The following RTN4RL1 variants were observed in gnomAD, a reference collection of about 807,000 sequenced individuals.
RTN4RL1 encodes the protein reticulon 4 receptor like 1.
Under a neutral mutation model 25.6 loss-of-function variants are expected in RTN4RL1, and 7 were observed. The observed-to-expected ratio is 0.27, with a 90% CI of 0.16 to 0.51. The LOEUF is 0.51. RTN4RL1 is among the 20% of genes least tolerant of loss of function. The pLI is 0.97. For missense variants in RTN4RL1, 500 were observed against 615.6 expected, an observed-to-expected ratio of 0.81 and a Z score of 1.99; for synonymous variants, 297 against 288.2, an observed-to-expected ratio of 1.03 and a Z score of -0.31.
chr17:1,997,714 G>A (rs1165608495), intron 1 of RTN4RL1, among the ~76,000 whole-genome samples: 1 of 152,154 alleles, frequency 6.6e-6, no homozygotes, highest in African/African-American at 2.4e-5. Flanking sequence ...GGCACCCCTA[G>A]CTGCCCCTGC....
At chr17:1,949,010 G>A (rs868640806) in intron 1 of RTN4RL1, among the ~76,000 whole-genome samples, 3 of 152,004 alleles carry the variant, frequency 2.0e-5, no homozygotes, top group South Asian at 2.1e-4. Context: ...AGGCTGGAGT[G>A]CAGTGGCATG....
At chr17:1,950,455 T>G (rs894311364) in intron 1 of RTN4RL1, among the ~76,000 whole-genome samples, 1 of 151,972 alleles carries the variant, frequency 6.6e-6, no homozygotes, top group African/African-American at 2.4e-5. Flanking sequence ...CGAGAAGCCT[T>G]AGAGAGATGT....
At chr17:2,002,430 C>G (rs866849746) in intron 1 of RTN4RL1, among the ~76,000 whole-genome samples, 10 of 150,706 alleles carry the variant, frequency 6.6e-5, no homozygotes, top group African/African-American at 2.2e-4. Flanking sequence ...GTAGCTGGGA[C>G]TACAGGCGCC....
intron 1 of RTN4RL1, among the ~76,000 whole-genome samples, chr17:2,007,306 C>A (rs955054092): frequency 2.7e-5 from 4 of 149,072 alleles, no homozygotes; most frequent in African/African-American, 1.0e-4. Context: ...CAGTCGGCTG[C>A]ACTGCAGACC....
At chr17:1,939,143 G>A (rs1016253572) in intron 1 of RTN4RL1, among the ~76,000 whole-genome samples, 1 of 152,024 alleles carries the variant, frequency 6.6e-6, no homozygotes, top group Non-Finnish European at 1.5e-5. Flanking sequence ...ACGAGGTCAG[G>A]AGATCGAGAC....
intron 1 of RTN4RL1, among the ~76,000 whole-genome samples, chr17:1,991,191 G>C (rs1234736228): frequency 2.0e-5 from 3 of 152,170 alleles, no homozygotes; most frequent in Non-Finnish European, 2.9e-5. Context: ...CCAGATTAGA[G>C]TTATTTGTAT....
chr17:1,965,393 T>C (rs1363449102), intron 1 of RTN4RL1, among the ~76,000 whole-genome samples: 4 of 152,194 alleles, frequency 2.6e-5, no homozygotes, highest in African/African-American at 9.6e-5. Context: ...ATTACAGGCA[T>C]GAGCCACTGC....
At chr17:2,020,672 G>A (rs1322503515) in intron 1 of RTN4RL1, 2 of 152,232 alleles carry the variant, frequency 1.3e-5, no homozygotes, top group Non-Finnish European at 2.9e-5. Context: ...GACTGATTTT[G>A]TGGTTGATGT....
Position 1,936,537 on chromosome 17 carries a change from G to A in RTN4RL1, c.1285C>T (p.Leu429Phe). 1 of 1,553,102 alleles carries A rather than the reference G, an allele frequency of 6.4e-7. No homozygotes were observed. Among genetic ancestry groups the A allele is most frequent in the Non-Finnish European group, 8.7e-7 (1 of 1,150,488 alleles). ...GCCAGCCCCAGTGTCCAGGCCAGGA[G>A]GGAGGCCCCCAGGGAACTGGCCGAG... ...ASSASSLGAS[L>F]LAWTLGLAVT... The change falls in exon 2 of 2, where the codon CTC becomes TTC. Residue 429 changes from leucine to phenylalanine, a missense_variant. This residue lies in a region of RTN4RL1 where 268 missense variants were observed against 274.5 expected (regional missense o/e 0.98). Coordinates refer to ENST00000331238, the MANE Select transcript of RTN4RL1 (RefSeq NM_178568.4).
intron 1 of RTN4RL1, among the ~76,000 whole-genome samples, chr17:2,018,471 G>A (rs746479878): frequency 1.3e-5 from 2 of 152,212 alleles, no homozygotes; most frequent in African/African-American, 2.4e-5. Flanking sequence ...AGCCAGAGAG[G>A]CTCCTGAGGA....
rs1312630625 is a variant in RTN4RL1 at position 1,994,947 on chromosome 17, A to T, written c.13+29906T>A. ...ACCCCATCTCTAAAAAAAAAAAAAA[A>T]TCATGAAATGAGATGACAGAGGCTG... On this transcript the variant is annotated intron_variant, in intron 1 of 1. Coordinates refer to ENST00000331238, the MANE Select transcript of RTN4RL1 (RefSeq NM_178568.4). This position sits in a 1 kb window ranked among gnomAD's most constrained non-coding sequence, Gnocchi z 4.3. 6.6e-6 allele frequency among the ~76,000 whole-genome samples: 1 copy of T among 151,664 alleles called. No homozygotes were observed. The highest frequency in any genetic ancestry group is 1.5e-5 in the Non-Finnish European group (1 of 67,960).
Position 1,998,973 on chromosome 17 carries a change from C to T in RTN4RL1, c.13+25880G>A, listed in dbSNP as rs539765012. Among the ~76,000 whole-genome samples the T allele has an allele frequency of 6.2e-4, 94 of 152,284 alleles. 1 individual carries two copies. Among genetic ancestry groups the T allele is most frequent in the African/African-American group, 2.0e-3 (85 of 41,552 alleles). ...TGTGCACAACTGAAGAGCTGCTCCC[C>T]CTTCCCTGCACGATGCCATCCTCTC... On this transcript the variant is annotated intron_variant, in intron 1 of 1. Transcript: ENST00000331238. The surrounding 1 kb of genome is among the most constrained non-coding windows in gnomAD (Gnocchi z 4.9).
At chr17:1,971,281 G>A (rs1033218715) in intron 1 of RTN4RL1, among the ~76,000 whole-genome samples, 1 of 152,178 alleles carries the variant, frequency 6.6e-6, no homozygotes, top group African/African-American at 2.4e-5. Flanking sequence ...TGCGAAGAAG[G>A]ATGTGTTTGC....
intron 1 of RTN4RL1, among the ~76,000 whole-genome samples, chr17:2,014,991 C>T (rs1296947205): frequency 1.3e-5 from 2 of 152,054 alleles, no homozygotes; most frequent in Non-Finnish European, 2.9e-5. Context: ...AAGGGAATCG[C>T]TGAAGGGTTC....
At chr17:1,980,230 A>ATTTTT (rs34130716) in intron 1 of RTN4RL1, among the ~76,000 whole-genome samples, 19 of 126,392 alleles carry the variant, frequency 1.5e-4, no homozygotes, top group African/African-American at 5.0e-4. Flanking sequence ...CGCTCAGCTA[A>ATTTTT]TTTTTTTTTT....
At chr17:1,999,088 G>A (rs1032823603) in intron 1 of RTN4RL1, among the ~76,000 whole-genome samples, 13 of 82,116 alleles carry the variant, frequency 1.6e-4, no homozygotes, top group Non-Finnish European at 2.9e-4. Flanking sequence ...CCAGACACAT[G>A]CGCGATCACA....
At chr17:1,954,626 G>A (rs940627673) in intron 1 of RTN4RL1, among the ~76,000 whole-genome samples, 5 of 152,016 alleles carry the variant, frequency 3.3e-5, no homozygotes, top group African/African-American at 1.2e-4. Flanking sequence ...GACCTCAGAT[G>A]ATCCACCCGC....
At chr17:1,995,541 G>A (rs1342283691) in intron 1 of RTN4RL1, 1 of 152,154 alleles carries the variant, frequency 6.6e-6, no homozygotes, top group Non-Finnish European at 1.5e-5. Flanking sequence ...GTCCTTACAG[G>A]CTCATACCCC....
chr17:2,003,408 C>G (rs1466529851), intron 1 of RTN4RL1: 1 of 152,084 alleles, frequency 6.6e-6, no homozygotes, highest in Non-Finnish European at 1.5e-5. Flanking sequence ...CAGAGTCCCC[C>G]CAGAGCCTGC....
Sources: allele counts gnomAD v4.1 joint callset (sites outside exome capture counted in the v4.1 genomes callset), GRCh38; gene constraint gnomAD v4.1.1; regional missense constraint gnomAD v4.1.1; non-coding constraint Gnocchi (gnomAD v3.1); transcripts MANE v1.5; gene names NCBI Gene and HGNC (gene_info 2026-07-23, HGNC 2026-07-21).